The following DTWD2 variants were observed in gnomAD, a reference collection of about 807,000 sequenced individuals.
The protein encoded by DTWD2 is tRNA-uridine aminocarboxypropyltransferase 2.
A neutral mutation model predicts 31.8 loss-of-function variants in DTWD2; 39 were observed. The observed-to-expected ratio is 1.22, with a 90% CI of 0.95 to 1.60. DTWD2 has a LOEUF of 1.60. DTWD2 is among the 40% of genes most tolerant of loss of function. The probability of loss-of-function intolerance (pLI) is 0.00; values close to 1 mark genes in which losing one functional copy is unlikely to be tolerated. For missense variants in DTWD2, 515 were observed against 381.5 expected (o/e 1.35, Z -2.92); for synonymous variants, 180 against 142.8 (o/e 1.26, Z -1.86).
Position 118,928,605 on chromosome 5 carries a change from T to C in DTWD2, c.529A>G (p.Ile177Val), listed in dbSNP as rs1753856831. Residue 177 changes from isoleucine (I) to valine (V), a missense_variant, in exon 4 of 6, where the codon ATT becomes GTT. Transcript: ENST00000510708. ...SPVYPSTIII[I>V]DGTWSQAKDI... ...TTAGCCTGGCTCCATGTACCATCAA[T>C]GATGATGATTGTAGAAGGATAAACA... is the stretch of plus-strand genomic sequence containing the variant. The C allele has an allele frequency of 6.3e-7, 1 of 1,595,988 alleles. No homozygotes were observed. The highest frequency in any genetic ancestry group is 1.7e-5 in the Admixed American group (1 of 59,166).
chr5:118,960,415 G>C (rs1754679888), intron 1 of DTWD2, among the ~76,000 whole-genome samples: 1 of 152,098 alleles, frequency 6.6e-6, no homozygotes, highest in African/African-American at 2.4e-5. Context: ...CTATTAAAAT[G>C]TCAAAAAAAC....
intron 4 of DTWD2, among the ~76,000 whole-genome samples, chr5:118,854,584 G>A (rs1399580095): frequency 6.6e-6 from 1 of 151,850 alleles, no homozygotes; most frequent in Non-Finnish European, 1.5e-5. Context: ...AAAAGTGGAT[G>A]TTAAAAAGAC....
chr5:118,928,791 C>T (rs1471569441), intron 3 of DTWD2, 62 bp from the exon 4 acceptor site: 25 of 1,309,812 alleles, frequency 1.9e-5, no homozygotes, highest in Non-Finnish European at 2.4e-5. Context: ...TTTTATTATG[C>T]TTACTGAATT....
intron 2 of DTWD2, among the ~76,000 whole-genome samples, 198 bp downstream of exon 2, chr5:118,944,361 G>T (rs1044700353): frequency 6.6e-6 from 1 of 152,106 alleles, no homozygotes; most frequent in South Asian, 2.1e-4. Context: ...TTGTGAAATG[G>T]TATCTCTCTC....
At chr5:118,907,102 T>C (rs1243886731) in intron 4 of DTWD2, among the ~76,000 whole-genome samples, 3 of 152,178 alleles carry the variant, frequency 2.0e-5, no homozygotes, top group African/African-American at 4.8e-5. Context: ...CATGCTCCAA[T>C]AGAAACTATG....
Position 118,987,487 on chromosome 5 carries a change from C to G in DTWD2, c.218+807G>C, listed in dbSNP as rs562349259. On this transcript the variant is annotated intron_variant, in intron 1 of 5. Transcript: ENST00000510708. ...GGAATGCTTTTCCCCTGGCTGGATT[C>G]TTCTCATCTTTCAAATCTCAGAGAT... Among the ~76,000 whole-genome samples the G allele has an allele frequency of 2.0e-3, 310 of 152,316 alleles. 6 individuals are homozygous for G. The highest frequency in any genetic ancestry group is 3.2e-3 in the Non-Finnish European group (218 of 68,024).
At chr5:118,938,996 TA>T (rs140868896) in intron 3 of DTWD2, among the ~76,000 whole-genome samples, 199 bp downstream of exon 3, 1,537 of 152,274 alleles carry the variant, frequency 0.01, 22 homozygotes, top group African/African-American at 0.035. Flanking sequence ...ATACATTATT[TA>T]TTTTTTTATT....
At chr5:118,925,374 C>T (rs1352105335) in intron 4 of DTWD2, among the ~76,000 whole-genome samples, 2 of 152,010 alleles carry the variant, frequency 1.3e-5, no homozygotes, top group Non-Finnish European at 2.9e-5. Flanking sequence ...AGTAATAGAA[C>T]ATGAACAAAA....
At chr5:118,902,952 AT>A (rs1309747316) in intron 4 of DTWD2, among the ~76,000 whole-genome samples, 1 of 152,116 alleles carries the variant, frequency 6.6e-6, no homozygotes, top group Non-Finnish European at 1.5e-5. Context: ...CTGACATTAT[AT>A]TACATCCTTT....
chr5:118,916,459 A>C (rs994033847), intron 4 of DTWD2, among the ~76,000 whole-genome samples: 3 of 152,158 alleles, frequency 2.0e-5, no homozygotes, highest in African/African-American at 7.2e-5. Context: ...TGAGGTCGGG[A>C]GTTCGAGACC....
chr5:118,850,477 C>CAAAAAAAAAAA lies in DTWD2; in HGVS notation c.598-2270_598-2260dup, dbSNP rs34808087. Among the ~76,000 whole-genome samples the CAAAAAAAAAAA allele has an allele frequency of 1.6e-4, 5 of 30,474 alleles. 1 individual carries two copies. The highest frequency in any genetic ancestry group is 3.0e-4 in the African/African-American group (3 of 10,026). 20.0% of individuals were successfully genotyped at this position (30,474 alleles called of 152,430 possible). ...TGGGTGACAGAGCCAGACCCCACCA[C>CAAAAAAAAAAA]AAAAAAAAAAAAAAAAAAAAAAAAA... On this transcript the variant is annotated intron_variant, in intron 4 of 5. Coordinates refer to ENST00000510708, the MANE Select transcript of DTWD2 (RefSeq NM_173666.4).
intron 4 of DTWD2, among the ~76,000 whole-genome samples, chr5:118,904,570 C>T (rs373968466): frequency 2.0e-5 from 3 of 152,174 alleles, no homozygotes; most frequent in African/African-American, 7.2e-5. Flanking sequence ...AAATTCCTTA[C>T]ATAAGACGGG....
At chr5:118,871,165 G>T (rs1752492817) in intron 4 of DTWD2, among the ~76,000 whole-genome samples, 1 of 152,062 alleles carries the variant, frequency 6.6e-6, no homozygotes, top group Non-Finnish European at 1.5e-5. Context: ...TAAATTATGA[G>T]ATTTCAACAA....
intron 4 of DTWD2, among the ~76,000 whole-genome samples, chr5:118,912,999 G>A (rs968199996): frequency 2.0e-4 from 31 of 152,132 alleles, no homozygotes; most frequent in African/African-American, 7.5e-4. Context: ...ATAGTTTGCA[G>A]GTATAGTTAG....
rs542830627 is a variant in DTWD2, at chr5:118,842,099, TTG to T, written c.727-1014_727-1013del. 1.6e-3 allele frequency among the ~76,000 whole-genome samples: 247 copies of T among 152,296 alleles called. 1 individual carries two copies. Among genetic ancestry groups the T allele is most frequent in the Admixed American group, 6.2e-3 (95 of 15,300 alleles). On this transcript the variant is annotated intron_variant, in intron 5 of 5. Transcript: ENST00000510708. Reference sequence around the variant, plus strand: ...CTCTCACATCTGTAATCCCAGCATTTTGGGAGGCTGATGCACAACATAAGTGG... The same window carrying T: ...CTCTCACATCTGTAATCCCAGCATTTGGAGGCTGATGCACAACATAAGTGG...
chr5:118,966,850 T>TG (rs1025513463), intron 1 of DTWD2, among the ~76,000 whole-genome samples: 10 of 152,000 alleles, frequency 6.6e-5, no homozygotes, highest in East Asian at 3.9e-4. Flanking sequence ...ACCAATGTGG[T>TG]GAAACCCCGT....
intron 1 of DTWD2, among the ~76,000 whole-genome samples, chr5:118,973,635 TC>T (rs1755046243): frequency 1.3e-5 from 2 of 149,244 alleles, no homozygotes; most frequent in Non-Finnish European, 3.0e-5. Flanking sequence ...GCCTCCTTGC[TC>T]GCGGCAGCCT....
intron 1 of DTWD2, among the ~76,000 whole-genome samples, chr5:118,981,001 A>C (rs920332448): frequency 6.6e-6 from 1 of 152,266 alleles, no homozygotes; most frequent in African/African-American, 2.4e-5. Context: ...GTGGTTATAC[A>C]CATAAAATTC....
chr5:118,953,919 A>T (rs1475913792), intron 1 of DTWD2, among the ~76,000 whole-genome samples: 3 of 152,178 alleles, frequency 2.0e-5, no homozygotes, highest in Admixed American at 6.5e-5. Context: ...CTTATCCCAG[A>T]TATCTGCAGA....
Sources: allele counts gnomAD v4.1 joint callset (sites outside exome capture counted in the v4.1 genomes callset), GRCh38; gene constraint gnomAD v4.1.1; transcripts MANE v1.5; gene names NCBI Gene and HGNC (gene_info 2026-07-23, HGNC 2026-07-21).